DMD: variants seen among roughly 807,000 people sequenced by gnomAD.
The protein encoded by DMD is dystrophin, also known as mutant dystrophin.
Under a neutral mutation model 330.1 loss-of-function variants are expected in DMD, and 63 were observed. That is an observed-to-expected ratio of 0.19 (90% CI 0.16 to 0.24). The LOEUF is 0.24. DMD is among the 10% of genes least tolerant of loss of function. The probability of loss-of-function intolerance (pLI) is 1.00; values close to 1 mark genes in which losing one functional copy is unlikely to be tolerated. For synonymous variants in DMD, 1,223 were observed against 959.8 expected, an observed-to-expected ratio of 1.27 and a Z score of -5.07; for missense variants, 3,344 against 2,684.1, an observed-to-expected ratio of 1.25 and a Z score of -5.43.
At chrX:32,148,123 C>A (rs940463335) in intron 44 of DMD, among the ~76,000 whole-genome samples, 8 of 110,181 alleles carry the variant, frequency 7.3e-5, no homozygotes, top group Non-Finnish European at 1.5e-4. Context: ...GTGATCAGCC[C>A]GCCTCGGCCT....
At position 33,158,001 on chromosome X, in the gene DMD, G is replaced by A. The variant is rs765796298; in HGVS notation, c.31+53281C>T. On this transcript the variant is annotated intron_variant, in intron 1 of 78. Transcript: ENST00000357033. Reference sequence around the variant, plus strand: ...AGAGAGAAGCTAAAGAGTAAATCAGGCAGGATTTTCTGGGCAGAGAAGTCA... The same window carrying A: ...AGAGAGAAGCTAAAGAGTAAATCAGACAGGATTTTCTGGGCAGAGAAGTCA... Among the ~76,000 whole-genome samples, 379 of 111,652 alleles carry A rather than the reference G, an allele frequency of 3.4e-3. 2 individuals carry two copies. Among genetic ancestry groups the A allele is most frequent in the Non-Finnish European group, 6.1e-3 (325 of 53,137 alleles).
intron 1 of DMD, among the ~76,000 whole-genome samples, chrX:33,191,872 A>C (rs973820519): frequency 5.3e-5 from 6 of 112,157 alleles, no homozygotes; most frequent in African/African-American, 1.9e-4. Context: ...ATAATGTGAG[A>C]GATCAGCCAT....
At chrX:33,084,721 C>A (rs905423734) in intron 1 of DMD, among the ~76,000 whole-genome samples, 2 of 111,631 alleles carry the variant, frequency 1.8e-5, no homozygotes, top group Non-Finnish European at 3.8e-5. Context: ...ACTCCTAAAC[C>A]ATAATTTCTA....
chrX:32,729,631 TTTG>T (rs1464663135), intron 7 of DMD, among the ~76,000 whole-genome samples: 1 of 111,939 alleles, frequency 8.9e-6, no homozygotes, highest in Non-Finnish European at 1.9e-5. Flanking sequence ...CTTGTAAGTT[TTTG>T]TTAAAAAGAA....
chrX:31,477,940 C>A (rs993303365), intron 59 of DMD, among the ~76,000 whole-genome samples, 166 bp downstream of exon 59: 2 of 111,851 alleles, frequency 1.8e-5, no homozygotes, highest in Non-Finnish European at 3.8e-5. Context: ...AATTAGATCA[C>A]TGTCTTCTCT....
intron 9 of DMD, among the ~76,000 whole-genome samples, chrX:32,654,080 A>G (rs2060377012): frequency 8.9e-6 from 1 of 111,815 alleles, no homozygotes; most frequent in Admixed American, 9.5e-5. Flanking sequence ...TAGATATACA[A>G]TCATGTCATC....
intron 64 of DMD, among the ~76,000 whole-genome samples, chrX:31,212,451 G>A (rs897556030): frequency 9.1e-6 from 1 of 109,476 alleles, no homozygotes; most frequent in African/African-American, 3.3e-5. Context: ...AGACAGTGGC[G>A]GTTGGGGGGC....
chrX:33,014,849 C>G (rs898774671), intron 2 of DMD, among the ~76,000 whole-genome samples: 1 of 111,352 alleles, frequency 9.0e-6, no homozygotes, highest in African/African-American at 3.3e-5. Flanking sequence ...TTATAATGCC[C>G]TTTTATTATA....
intron 60 of DMD, among the ~76,000 whole-genome samples, chrX:31,381,950 GCC>G (rs748047548): frequency 3.9e-4 from 44 of 111,639 alleles, no homozygotes; most frequent in African/African-American, 1.4e-3. Context: ...TACTAAACAT[GCC>G]CCGAGTCAAG....
At chrX:32,663,967 A>G (rs182448043) in intron 9 of DMD, among the ~76,000 whole-genome samples, 4 of 111,414 alleles carry the variant, frequency 3.6e-5, no homozygotes, top group African/African-American at 1.3e-4. Context: ...GTGATTGTGC[A>G]TGGGCTTATA....
At chrX:32,907,258 A>G (rs1252567206) in intron 2 of DMD, among the ~76,000 whole-genome samples, 5 of 112,384 alleles carry the variant, frequency 4.4e-5, no homozygotes, top group African/African-American at 1.6e-4. Flanking sequence ...TTTAAAAAAT[A>G]TTGGTATTCA....
At chrX:31,700,505 A>G (rs1019938163) in intron 52 of DMD, among the ~76,000 whole-genome samples, 1 of 112,024 alleles carries the variant, frequency 8.9e-6, no homozygotes, top group Non-Finnish European at 1.9e-5. Flanking sequence ...CCTTCTAAAG[A>G]AAGCTCATTC....
chrX:31,632,745 T>C (rs2079198482), intron 54 of DMD, among the ~76,000 whole-genome samples: 1 of 112,110 alleles, frequency 8.9e-6, no homozygotes, highest in South Asian at 3.7e-4. Context: ...TAATCTGAAA[T>C]TCAAATTTCC....
At chrX:32,749,178 T>C (rs2070470381) in intron 7 of DMD, among the ~76,000 whole-genome samples, 1 of 112,155 alleles carries the variant, frequency 8.9e-6, no homozygotes, top group African/African-American at 3.2e-5. Context: ...CACTATAATA[T>C]CCATCCCTTG....
intron 53 of DMD, among the ~76,000 whole-genome samples, chrX:31,671,057 C>T (rs756071821): frequency 3.7e-3 from 406 of 111,160 alleles, no homozygotes; most frequent in Non-Finnish European, 5.5e-3. Context: ...GGACTACAGG[C>T]GCCCGCCACC....
chrX:31,169,701 C>T (rs2039796649), intron 73 of DMD, 100 bp from the exon 74 acceptor site: 2 of 821,157 alleles, frequency 2.4e-6, no homozygotes, highest in South Asian at 2.3e-5. Context: ...CATTTATTTG[C>T]TCTTAACAAT....
At chrX:31,607,467 C>A (rs1346551186) in intron 55 of DMD, among the ~76,000 whole-genome samples, 1 of 112,126 alleles carries the variant, frequency 8.9e-6, no homozygotes, top group Non-Finnish European at 1.9e-5. Context: ...TTAGAATGCA[C>A]TGCATCTTCT....
chrX:32,244,357 T>A (rs1444132161), intron 43 of DMD, among the ~76,000 whole-genome samples: 3 of 91,980 alleles, frequency 3.3e-5, no homozygotes, highest in Non-Finnish European at 6.4e-5. Context: ...ATCCAGTCTA[T>A]CATTGTTGGA....
At chrX:31,162,443 T>C (rs1330941551) in intron 74 of DMD, among the ~76,000 whole-genome samples, 1 of 107,498 alleles carries the variant, frequency 9.3e-6, no homozygotes, top group Non-Finnish European at 1.9e-5. Flanking sequence ...GCAGCTGTAC[T>C]TGTAAGATGT....
Sources: allele counts gnomAD v4.1 joint callset (sites outside exome capture counted in the v4.1 genomes callset), GRCh38; gene constraint gnomAD v4.1.1; transcripts MANE v1.5; gene names NCBI Gene and HGNC (gene_info 2026-07-23, HGNC 2026-07-21).